The following WDR4 variants were observed in gnomAD, a reference collection of about 807,000 sequenced individuals.
The protein encoded by WDR4 is tRNA (guanine-N(7)-)-methyltransferase non-catalytic subunit WDR4.
WDR4 carries 47 observed loss-of-function variants against 48.6 expected under a neutral mutation model. The ratio of observed to expected loss-of-function variants is 0.97; its 90% CI spans 0.77 to 1.23. WDR4 has a LOEUF of 1.23. Ranked by LOEUF, WDR4 falls within the 50% of genes most tolerant of loss-of-function variation. The probability of loss-of-function intolerance (pLI) is 0.00; values close to 1 mark genes in which losing one functional copy is unlikely to be tolerated. For missense variants in WDR4, 606 were observed against 551.6 expected, an observed-to-expected ratio of 1.10 and a Z score of -0.99; for synonymous variants, 268 against 230.0, an observed-to-expected ratio of 1.17 and a Z score of -1.49.
upstream of WDR4, among the ~76,000 whole-genome samples, chr21:42,884,120 C>T (rs140598479): frequency 2.0e-5 from 3 of 152,216 alleles, no homozygotes; most frequent in East Asian, 3.9e-4. Context: ...TTTTCATGGC[C>T]GAATAATATT....
At chr21:42,868,832 G>A (rs1360335046) in intron 3 of WDR4, among the ~76,000 whole-genome samples, 1 of 152,232 alleles carries the variant, frequency 6.6e-6, no homozygotes, top group African/African-American at 2.4e-5. Context: ...ACACATTGGT[G>A]CCAGTAAACC....
chr21:42,844,597 C>T (rs1161580849), downstream of WDR4, among the ~76,000 whole-genome samples: 1 of 152,196 alleles, frequency 6.6e-6, no homozygotes, highest in Non-Finnish European at 1.5e-5. Context: ...TCGGCTGAGA[C>T]GCAGCTCTGA....
intron 6 of WDR4, 23 bp from the exon 7 acceptor site, chr21:42,855,803 T>G: frequency 6.5e-7 from 1 of 1,528,726 alleles, no homozygotes; most frequent in Non-Finnish European, 8.8e-7. Context: ...AACACACAGG[T>G]TAGCACATGG....
the WDR4 span, among the ~76,000 whole-genome samples, chr21:42,884,851 C>G: frequency 6.6e-6 from 1 of 152,054 alleles, no homozygotes; most frequent in Admixed American, 6.5e-5. Context: ...ATCCAGCTCA[C>G]TGCAACCTCC....
intron 2 of WDR4, among the ~76,000 whole-genome samples, 153 bp downstream of exon 2, chr21:42,876,549 T>C (rs1439128231): frequency 6.6e-6 from 1 of 152,140 alleles, no homozygotes; most frequent in Non-Finnish European, 1.5e-5. Context: ...TAAAAGTTAC[T>C]TTTACATGTC....
At chr21:42,875,424 G>A (rs146052853) in intron 2 of WDR4, among the ~76,000 whole-genome samples, 347 of 152,238 alleles carry the variant, frequency 2.3e-3, no homozygotes, top group Non-Finnish European at 3.7e-3. Flanking sequence ...GCATGGTGGT[G>A]CGTGCCTGTA....
chr21:42,873,818 A>C, intron 2 of WDR4, 127 bp from the exon 3 acceptor site: 2 of 1,074,802 alleles, frequency 1.9e-6, no homozygotes, highest in Non-Finnish European at 2.6e-6. Flanking sequence ...ACGTAGCCAA[A>C]ATACAGACAT....
downstream of WDR4, among the ~76,000 whole-genome samples, chr21:42,848,706 CCTCA>C (rs1336458055): frequency 6.8e-5 from 7 of 102,852 alleles, no homozygotes; most frequent in South Asian, 3.8e-4. Flanking sequence ...GCGGCGCACA[CCTCA>C]CTCACACAGC....
At chr21:42,852,556 G>A (rs924870129) in intron 9 of WDR4, among the ~76,000 whole-genome samples, 3 of 152,222 alleles carry the variant, frequency 2.0e-5, no homozygotes, top group South Asian at 2.1e-4. Flanking sequence ...CAGCAGGTGC[G>A]ACAGGCACCC....
At chr21:42,873,496 G>A (rs1206631861) in intron 3 of WDR4, 55 bp downstream of exon 3, 1 of 1,602,636 alleles carries the variant, frequency 6.2e-7, no homozygotes, top group Non-Finnish European at 8.5e-7. Flanking sequence ...CTACAGGCAT[G>A]CAAGGATAAG....
intron 4 of WDR4, among the ~76,000 whole-genome samples, chr21:42,863,212 G>A (rs1035015286): frequency 2.6e-5 from 4 of 152,148 alleles, no homozygotes; most frequent in East Asian, 1.9e-4. Flanking sequence ...TCCCTGCTAC[G>A]GGGGAGCCCC....
intron 1 of WDR4, 37 bp from the exon 2 acceptor site, chr21:42,876,804 C>T: frequency 6.3e-7 from 1 of 1,581,182 alleles, no homozygotes; most frequent in Non-Finnish European, 8.6e-7. Context: ...AAGGAGTTAT[C>T]ATTAGAGAGA....
chr21:42,880,264 C>T (rs2058596863), upstream of WDR4, among the ~76,000 whole-genome samples: 1 of 152,088 alleles, frequency 6.6e-6, no homozygotes, highest in Non-Finnish European at 1.5e-5. Context: ...AATCTCCGAA[C>T]TGTAGTGATA....
chr21:42,848,368 G>A (rs996484898), downstream of WDR4, among the ~76,000 whole-genome samples: 2 of 140,992 alleles, frequency 1.4e-5, no homozygotes, highest in Middle Eastern at 4.1e-3. Context: ...GCACGATCAC[G>A]TGGCCTGCAC....
At chr21:42,880,465 T>C (rs1179869631), upstream of WDR4, among the ~76,000 whole-genome samples, 3 of 152,060 alleles carry the variant, frequency 2.0e-5, no homozygotes, top group Admixed American at 6.5e-5. Flanking sequence ...GCACGCAATA[T>C]ATGATGGTGA....
At chr21:42,881,198 G>A (rs767943235), upstream of WDR4, among the ~76,000 whole-genome samples, 1 of 152,110 alleles carries the variant, frequency 6.6e-6, no homozygotes, top group Non-Finnish European at 1.5e-5. Context: ...GAGCCACCGC[G>A]CCCAGCCACT....
At chr21:42,851,851 C>G (rs2057838532) in intron 10 of WDR4, among the ~76,000 whole-genome samples, 1 of 152,218 alleles carries the variant, frequency 6.6e-6, no homozygotes, top group African/African-American at 2.4e-5. Flanking sequence ...CACTAAACCT[C>G]CCAGTGAGGC....
Position 42,849,823 on chromosome 21 carries a change from C to G in WDR4, c.*226G>C. 1 of 521,612 alleles carries G rather than the reference C, an allele frequency of 1.9e-6. No homozygotes were observed. Among genetic ancestry groups the G allele is most frequent in the Non-Finnish European group, 3.3e-6 (1 of 302,176 alleles). 32.3% of individuals were successfully genotyped at this position (521,612 alleles called of 1,614,324 possible). A position where few individuals can be genotyped will look rare whatever the true frequency, so the allele number is the denominator to read the frequency against. On this transcript the variant is annotated 3_prime_UTR_variant, in exon 11 of 11. Coordinates refer to ENST00000398208, the MANE Select transcript of WDR4 (RefSeq NM_018669.6). ...GAAAGTGCTTCAAGAGCTTCCACTC[C>G]ACTGGTCTGGCTTCCCTTCAACCAG...
At chr21:42,846,013 TC>T (rs1253290466), downstream of WDR4, among the ~76,000 whole-genome samples, 1 of 151,932 alleles carries the variant, frequency 6.6e-6, no homozygotes, top group African/African-American at 2.4e-5. Context: ...ACACCTGCAG[TC>T]CCAGCTACTC....
Sources: allele counts gnomAD v4.1 joint callset (sites outside exome capture counted in the v4.1 genomes callset), GRCh38; gene constraint gnomAD v4.1.1; transcripts MANE v1.5; gene names NCBI Gene and HGNC (gene_info 2026-07-23, HGNC 2026-07-21).